WWOX: variants seen among roughly 807,000 people sequenced by gnomAD.
The protein encoded by WWOX is WW domain containing oxidoreductase.
In WWOX, 69 loss-of-function variants were observed where a neutral mutation model predicts 46.2. The ratio of observed to expected loss-of-function variants is 1.49; its 90% CI spans 1.23 to 1.82. The LOEUF is 1.82. Among genes scored for constraint, WWOX ranks in the 40% most tolerant of loss-of-function variants. WWOX has a pLI of 0.00. For synonymous variants in WWOX, 359 were observed against 202.6 expected (o/e 1.77, Z -6.56); for missense variants, 919 against 542.6 (o/e 1.69, Z -6.89).
intron 8 of WWOX, among the ~76,000 whole-genome samples, chr16:78,470,014 G>A (rs2084183328): frequency 6.6e-6 from 1 of 152,222 alleles, no homozygotes; most frequent in Non-Finnish European, 1.5e-5. Flanking sequence ...GTGCACAGTT[G>A]CTCAAAGATA....
intron 8 of WWOX, among the ~76,000 whole-genome samples, chr16:78,759,973 C>T (rs916973473): frequency 6.6e-6 from 1 of 152,136 alleles, no homozygotes; most frequent in South Asian, 2.1e-4. Flanking sequence ...TCTTGCTTCC[C>T]TCTTACAATG....
At chr16:78,951,329 C>G (rs909520400) in intron 8 of WWOX, among the ~76,000 whole-genome samples, 1 of 58,280 alleles carries the variant, frequency 1.7e-5, no homozygotes, top group African/African-American at 6.3e-5. Context: ...AGAGAAAGCT[C>G]CTTTCCTATA....
intron 6 of WWOX, among the ~76,000 whole-genome samples, chr16:78,396,051 T>G (rs1317014231): frequency 2.0e-5 from 3 of 152,148 alleles, no homozygotes; most frequent in Non-Finnish European, 4.4e-5. Context: ...CTTTCTCACC[T>G]CCTTAAAAAC....
chr16:78,351,099 C>T lies in WWOX; in HGVS notation c.517-35761C>T, dbSNP rs369838374. ...TTATTGGATGGATGATTTTTTTCAG[C>T]GGTTATCAGGTCACACCTGTAATCA... On this transcript the variant is annotated intron_variant, in intron 5 of 8. Transcript: ENST00000566780. Among the ~76,000 whole-genome samples, 10 of 152,184 alleles carry T rather than the reference C, an allele frequency of 6.6e-5. No homozygotes were observed. In the South Asian group the frequency reaches 1.4e-3, roughly 22 times the overall value.
At chr16:78,360,594 A>AAAAAG (rs1192939361) in intron 5 of WWOX, among the ~76,000 whole-genome samples, 4 of 142,294 alleles carry the variant, frequency 2.8e-5, no homozygotes, top group African/African-American at 1.0e-4. Flanking sequence ...TCAAAAAAAA[A>AAAAAG]AAAAAGTTGC....
chr16:78,957,408 C>G (rs1285754163), intron 8 of WWOX, among the ~76,000 whole-genome samples: 1 of 152,196 alleles, frequency 6.6e-6, no homozygotes, highest in Admixed American at 6.5e-5. Flanking sequence ...AAAACACCCA[C>G]AAATGTGAAT....
At chr16:79,210,513 CT>C (rs1286708170) in intron 8 of WWOX, among the ~76,000 whole-genome samples, 3 of 152,108 alleles carry the variant, frequency 2.0e-5, no homozygotes, top group Admixed American at 2.0e-4. Context: ...TAGTGTTTTC[CT>C]TGTGGGGGCG....
intron 6 of WWOX, among the ~76,000 whole-genome samples, chr16:78,398,652 G>T (rs1279389287): frequency 7.9e-5 from 12 of 152,274 alleles, no homozygotes; most frequent in Non-Finnish European, 1.6e-4. Flanking sequence ...CAGAGGAGCA[G>T]AAACTTTGGC....
intron 5 of WWOX, among the ~76,000 whole-genome samples, chr16:78,184,378 A>G (rs929539803): frequency 6.6e-6 from 1 of 152,194 alleles, no homozygotes. Context: ...TGACCTCATT[A>G]TCATCATGCT....
intron 8 of WWOX, among the ~76,000 whole-genome samples, chr16:78,840,844 A>G (rs889121171): frequency 2.6e-5 from 4 of 151,798 alleles, no homozygotes; most frequent in Non-Finnish European, 5.9e-5. Flanking sequence ...TAAATTGGTA[A>G]TCCCCCAGGG....
At chr16:78,472,609 G>T (rs2084251302) in intron 8 of WWOX, among the ~76,000 whole-genome samples, 1 of 151,952 alleles carries the variant, frequency 6.6e-6, no homozygotes. Flanking sequence ...AGGAGTTTGA[G>T]ACCAGCCTGA....
intron 8 of WWOX, chr16:78,503,662 C>T (rs1451412772): frequency 1.3e-5 from 2 of 152,150 alleles, no homozygotes; most frequent in Non-Finnish European, 2.9e-5. Flanking sequence ...CAAACACTTA[C>T]ATGTGTATAT....
intron 5 of WWOX, among the ~76,000 whole-genome samples, chr16:78,376,576 C>T (rs954589378): frequency 6.6e-6 from 1 of 152,154 alleles, no homozygotes; most frequent in African/African-American, 2.4e-5. Context: ...GTGCCTATGA[C>T]AAACCACACG....
chr16:79,046,464 C>T (rs989052926), intron 8 of WWOX, among the ~76,000 whole-genome samples: 1 of 152,178 alleles, frequency 6.6e-6, no homozygotes, highest in East Asian at 1.9e-4. Flanking sequence ...ACTGGGAAGT[C>T]TAAGATTAAG....
chr16:78,697,873 CT>C (rs1243816367), intron 8 of WWOX, among the ~76,000 whole-genome samples: 1 of 152,118 alleles, frequency 6.6e-6, no homozygotes, highest in African/African-American at 2.4e-5. Flanking sequence ...GCAATTACCC[CT>C]GGCTTAGGGT....
At chr16:78,561,334 C>A (rs909302941) in intron 8 of WWOX, among the ~76,000 whole-genome samples, 1 of 152,148 alleles carries the variant, frequency 6.6e-6, no homozygotes, top group Non-Finnish European at 1.5e-5. Context: ...GCATGTAGTT[C>A]CCTCCTGCTT....
intron 8 of WWOX, among the ~76,000 whole-genome samples, chr16:79,132,162 A>ACC (rs753192079): frequency 7.3e-6 from 1 of 137,894 alleles, no homozygotes; most frequent in Admixed American, 7.2e-5. Context: ...ACACACACAC[A>ACC]CACACCCCTT....
intron 8 of WWOX, among the ~76,000 whole-genome samples, chr16:78,871,730 G>A (rs1447336235): frequency 6.6e-6 from 1 of 152,162 alleles, no homozygotes; most frequent in Non-Finnish European, 1.5e-5. Flanking sequence ...CTTCCAAGCA[G>A]CTGGGACTAC....
chr16:78,327,420 C>T (rs1181244873), intron 5 of WWOX, among the ~76,000 whole-genome samples: 1 of 152,096 alleles, frequency 6.6e-6, no homozygotes, highest in Non-Finnish European at 1.5e-5. Flanking sequence ...CTCTCCAAGC[C>T]CCAGTACCCT....
Sources: gnomAD v4.1 joint callset for allele counts (sites outside exome capture counted in the v4.1 genomes callset) on GRCh38, gnomAD v4.1.1 for gene constraint, MANE v1.5 for transcripts, NCBI Gene and HGNC (gene_info 2026-07-23, HGNC 2026-07-21) for gene names.